IRS1: variants seen among roughly 807,000 people sequenced by gnomAD.
IRS1 encodes insulin receptor substrate 1.
In IRS1, 34 loss-of-function variants were observed where a neutral mutation model predicts 65.6. The ratio of observed to expected loss-of-function variants is 0.52; its 90% CI spans 0.39 to 0.69. The LOEUF (loss-of-function observed/expected upper bound fraction) is 0.69, where lower values mean the gene tolerates loss of function less well. Among genes scored for constraint, IRS1 ranks in the 30% least tolerant of loss-of-function variants. IRS1 has a pLI of 0.00. For synonymous variants in IRS1, 699 were observed against 683.5 expected (o/e 1.02, Z -0.35); for missense variants, 1,641 against 1,720.2 (o/e 0.95, Z 0.81).
chr2:226,797,060 G>T lies in IRS1; in HGVS notation c.1679C>A (p.Pro560Gln), dbSNP rs1469117275. The T allele has an allele frequency of 6.2e-7, 1 of 1,611,984 alleles. No homozygotes were observed. The highest frequency in any genetic ancestry group is 8.5e-7 in the Non-Finnish European group (1 of 1,178,862). The change falls in exon 1 of 2, where the codon CCA (proline) becomes CAA (glutamine). Residue 560 changes from proline (P) to glutamine (Q), a missense_variant. Physicochemically the swap from Pro to Gln is moderately conservative, Grantham distance 76. Around this residue, in one of 3 missense-constraint regions of IRS1, gnomAD observed 1,324 missense variants for 1,361.0 expected, o/e 0.97. Transcript: ENST00000305123. The surrounding 1 kb of genome is among the most constrained non-coding windows in gnomAD (Gnocchi z 8.1). ...EYTEMMPAYP[P>Q]GGGSGGRLPG... ...CAGTCGGCCTCCACTGCCACCTCCT[G>T]GTGGGTAGGCAGGCATCATCTCTGT...
At position 226,797,800 on chromosome 2, in the gene IRS1, C is replaced by A; in HGVS notation, c.939G>T (p.Pro313=). Residue 313 remains proline (P), a synonymous_variant, in exon 1 of 2, where the codon CCG becomes CCT. Transcript: ENST00000305123. This position sits in a 1 kb window ranked among gnomAD's most constrained non-coding sequence, Gnocchi z 8.1. The part of the protein sequence containing the change: ...SRTESITATS[P]ASMVGGKPGS... ...CTGGCTTCCCGCCCACCATGCTGGC[C>A]GGGGAGGTGGCGGTGATGCTCTCAG... The A allele has an allele frequency of 1.3e-6, 2 of 1,599,398 alleles. No homozygotes were observed. Among genetic ancestry groups the A allele is most frequent in the Non-Finnish European group, 1.7e-6 (2 of 1,174,450 alleles).
chr2:226,755,112 C>A (rs1371005587), intron 1 of IRS1, among the ~76,000 whole-genome samples: 1 of 152,182 alleles, frequency 6.6e-6, no homozygotes, highest in East Asian at 1.9e-4. Context: ...TATTTTTATT[C>A]AACAGCTTTC....
chr2:226,794,851 T>G lies in IRS1; in HGVS notation c.*21+138A>C. The stretch of plus-strand genomic sequence containing the variant: ...AGATGTCAGTGTGGGGTGAGCATCT[T>G]GTGTGCCCTGAGAATGTAAGTGCAT... On this transcript the variant is annotated intron_variant, in intron 1 of 1. Coordinates refer to ENST00000305123, the MANE Select transcript of IRS1 (RefSeq NM_005544.3). This position sits in a 1 kb window ranked among gnomAD's most constrained non-coding sequence, Gnocchi z 4.1. 1.3e-6 allele frequency: 1 copy of G among 797,122 alleles called. No individual in the cohort carries two copies. Among genetic ancestry groups the G allele is most frequent in the Non-Finnish European group, 2.2e-6 (1 of 461,394 alleles). The allele number at this position is 797,122 out of a possible 1,614,324, so 49.4% of individuals were successfully genotyped here.
chr2:226,781,634 G>A (rs1454244325), intron 1 of IRS1, among the ~76,000 whole-genome samples: 1 of 152,118 alleles, frequency 6.6e-6, no homozygotes, highest in Non-Finnish European at 1.5e-5. Flanking sequence ...CTTCAAGCTG[G>A]AGGCTAAAGC....
chr2:226,762,665 G>T (rs1287139947), intron 1 of IRS1, among the ~76,000 whole-genome samples: 2 of 152,202 alleles, frequency 1.3e-5, no homozygotes, highest in African/African-American at 2.4e-5. Flanking sequence ...GCCCTAGTTT[G>T]CTGGCTCCTG....
At chr2:226,792,986 G>A (rs1412140662) in intron 1 of IRS1, among the ~76,000 whole-genome samples, 6 of 152,150 alleles carry the variant, frequency 3.9e-5, no homozygotes, top group African/African-American at 1.4e-4. Context: ...GCAAAGCATG[G>A]TCGATTGTTA....
chr2:226,776,776 G>A (rs946198907), intron 1 of IRS1, among the ~76,000 whole-genome samples: 5 of 152,054 alleles, frequency 3.3e-5, no homozygotes, highest in African/African-American at 4.8e-5. Flanking sequence ...GCATGGTGGC[G>A]CACACCCATA....
Position 226,797,185 on chromosome 2 carries a change from A to G in IRS1, c.1554T>C (p.Asp518=), listed in dbSNP as rs746590543. ...GDEAASAADL[D]NRFRKRTHSA... ...AGTGAGTTCTCTTTCGGAACCGATT[A>G]TCCAGATCTGCAGCACTGGCTGCTT... The change falls in exon 1 of 2, where the codon GAT becomes GAC. Residue 518 remains aspartate (D), a synonymous_variant. Transcript: ENST00000305123. The surrounding 1 kb of genome is among the most constrained non-coding windows in gnomAD (Gnocchi z 8.1). 24 of 1,613,834 alleles carry G rather than the reference A, an allele frequency of 1.5e-5. No individual in the cohort carries two copies. Among genetic ancestry groups the G allele is most frequent in the African/African-American group, 2.7e-5 (2 of 74,922 alleles).
At chr2:226,776,580 A>T (rs1939278676) in intron 1 of IRS1, among the ~76,000 whole-genome samples, 1 of 152,138 alleles carries the variant, frequency 6.6e-6, no homozygotes, top group Non-Finnish European at 1.5e-5. Context: ...ATGAAATGGC[A>T]CCTATCAAGG....
chr2:226,796,759 A>G lies in IRS1; in HGVS notation c.1980T>C (p.Asn660=), dbSNP rs143032259. 3.1e-5 allele frequency: 50 copies of G among 1,603,298 alleles called. No homozygotes were observed. The African/African-American group carries it at 5.6e-4, about 18-fold the overall frequency. Residue 660 remains asparagine (N), a synonymous_variant, in exon 1 of 2, where the codon AAT becomes AAC. Coordinates refer to ENST00000305123, the MANE Select transcript of IRS1 (RefSeq NM_005544.3). Reference sequence around the variant, plus strand: ...CGCTGGGGGACATCATCATGTAGCCATTGGGGTCCACTCTCTGGGGATGGC... The same window carrying G: ...CGCTGGGGGACATCATCATGTAGCCGTTGGGGTCCACTCTCTGGGGATGGC... The part of the protein sequence containing the change: ...IRRHPQRVDP[N]GYMMMSPSGG...
At position 226,796,266 on chromosome 2, in the gene IRS1, G is replaced by C. The variant is rs1028018537; in HGVS notation, c.2473C>G (p.Leu825Val). Reference sequence around the variant, plus strand: ...TGGGGATGTGGAAGGCTGGGCTCCAGCCTAGCCCCGCAGTATCCCCCACCC... The same window carrying C: ...TGGGGATGTGGAAGGCTGGGCTCCACCCTAGCCCCGCAGTATCCCCCACCC... ...SLGGGYCGARLEPSLPHPHHQ... is the reference protein window; with the variant it reads ...SLGGGYCGARVEPSLPHPHHQ... Residue 825 changes from leucine (L) to valine (V), a missense_variant, in exon 1 of 2, where the codon CTG (leucine) becomes GTG (valine). By Grantham distance (32) the Leu-to-Val change is conservative. Around this residue, in one of 3 missense-constraint regions of IRS1, gnomAD observed 1,324 missense variants for 1,361.0 expected, o/e 0.97. Transcript: ENST00000305123. 6.2e-7 allele frequency: 1 copy of C among 1,613,498 alleles called. No homozygotes were observed. The highest frequency in any genetic ancestry group is 1.7e-5 in the Admixed American group (1 of 60,034).
chr2:226,797,129 T>A lies in IRS1; in HGVS notation c.1610A>T (p.Gln537Leu). The stretch of plus-strand genomic sequence containing the variant: ...CACTGAGGACTGGGACGGGGTCTTC[T>A]GGTGGGTAATGGTAGGGGATGTGCC... ...SAGTSPTITH[Q>L]KTPSQSSVAS... The change falls in exon 1 of 2, where the codon CAG becomes CTG. Residue 537 changes from glutamine to leucine, a missense_variant. Physicochemically the swap from Gln to Leu is moderately radical, Grantham distance 113. This residue lies in a region of IRS1 where 1,324 missense variants were observed against 1,361.0 expected (regional missense o/e 0.97). Coordinates refer to ENST00000305123, the MANE Select transcript of IRS1 (RefSeq NM_005544.3). This position sits in a 1 kb window ranked among gnomAD's most constrained non-coding sequence, Gnocchi z 8.1. 6.2e-7 allele frequency: 1 copy of A among 1,613,826 alleles called. No homozygotes were observed. The highest frequency in any genetic ancestry group is 1.1e-5 in the South Asian group (1 of 91,086).
intron 1 of IRS1, among the ~76,000 whole-genome samples, chr2:226,749,737 A>C (rs574102882): frequency 6.6e-6 from 1 of 152,298 alleles, no homozygotes; most frequent in Non-Finnish European, 1.5e-5. Flanking sequence ...GTTCTATGAA[A>C]GTGGGAAGGA....
chr2:226,791,190 A>G (rs1354982506), intron 1 of IRS1, among the ~76,000 whole-genome samples: 1 of 151,902 alleles, frequency 6.6e-6, no homozygotes, highest in Non-Finnish European at 1.5e-5. Flanking sequence ...ACCCAAAACG[A>G]TGGCATCCGC....
At chr2:226,767,541 C>T (rs1405985664) in intron 1 of IRS1, among the ~76,000 whole-genome samples, 2 of 152,174 alleles carry the variant, frequency 1.3e-5, no homozygotes, top group African/African-American at 2.4e-5. Flanking sequence ...AACCAGAGCA[C>T]ACATGTCTTG....
intron 1 of IRS1, among the ~76,000 whole-genome samples, chr2:226,781,522 T>A (rs1445308315): frequency 6.6e-6 from 1 of 152,158 alleles, no homozygotes. Flanking sequence ...TGGGTTTTTG[T>A]TGTGTACTTG....
intron 1 of IRS1, among the ~76,000 whole-genome samples, chr2:226,776,524 A>G (rs1397693002): frequency 6.6e-6 from 1 of 152,194 alleles, no homozygotes; most frequent in East Asian, 1.9e-4. Flanking sequence ...CAAGGTCAAC[A>G]TCGACCTTGA....
rs1330477196 is a variant in IRS1 at position 226,791,624 on chromosome 2, C to A, written c.*21+3365G>T. On this transcript the variant is annotated intron_variant, in intron 1 of 1. Transcript: ENST00000305123. ...AGGTGCCAGGCAGGGTGGCAGAAAG[C>A]GGCCCAGGGACGCCCGCCCGCCACC... Among the ~76,000 whole-genome samples, 9 of 152,038 alleles carry A rather than the reference C, an allele frequency of 5.9e-5. No individual in the cohort carries two copies. The East Asian group carries it at 1.7e-3, about 29-fold the overall frequency.
rs1230500012 is a variant in IRS1, at chr2:226,766,127, A to C, written c.*21+28862T>G. ...CCAAGGCCCTCTCTTAATCTTATATATATATATATATATATATATATATAT... is the reference window on the plus strand; with the variant it reads ...CCAAGGCCCTCTCTTAATCTTATATCTATATATATATATATATATATATAT... On this transcript the variant is annotated intron_variant, in intron 1 of 1. Transcript: ENST00000305123. Among the ~76,000 whole-genome samples, 13 of 3,382 alleles carry C rather than the reference A, an allele frequency of 3.8e-3. 1 individual carries two copies. The highest frequency in any genetic ancestry group is 0.013 in the African/African-American group (12 of 960). The allele number at this position is 3,382 out of a possible 152,430, so 2.2% of individuals were successfully genotyped here. A position where few individuals can be genotyped will look rare whatever the true frequency, so the allele number is the denominator to read the frequency against.
Sources: allele counts gnomAD v4.1 joint callset (sites outside exome capture counted in the v4.1 genomes callset), GRCh38; gene constraint gnomAD v4.1.1; regional missense constraint gnomAD v4.1.1; non-coding constraint Gnocchi (gnomAD v3.1); transcripts MANE v1.5; gene names NCBI Gene and HGNC (gene_info 2026-07-23, HGNC 2026-07-21).